MARCHF3: variants seen among roughly 807,000 people sequenced by gnomAD.
MARCHF3 encodes E3 ubiquitin-protein ligase MARCHF3.
In MARCHF3, 13 loss-of-function variants were observed where a neutral mutation model predicts 24.2. The observed-to-expected ratio is 0.54, with a 90% CI of 0.35 to 0.85. MARCHF3 has a LOEUF of 0.85. Ranked by LOEUF, MARCHF3 falls within the 40% of genes least tolerant of loss-of-function variation. The pLI is 0.01. For missense variants in MARCHF3, 276 were observed against 325.0 expected (o/e 0.85, Z 1.16); for synonymous variants, 144 against 137.3 (o/e 1.05, Z -0.34).
chr5:126,905,910 G>A (rs1331321946), intron 3 of MARCHF3, among the ~76,000 whole-genome samples: 9 of 152,154 alleles, frequency 5.9e-5, no homozygotes, highest in Non-Finnish European at 8.8e-5. Flanking sequence ...CAAAAGGAAT[G>A]CTTCCAGTTT....
At chr5:126,969,682 G>T (rs1361451684) in intron 1 of MARCHF3, among the ~76,000 whole-genome samples, 1 of 152,206 alleles carries the variant, frequency 6.6e-6, no homozygotes, top group African/African-American at 2.4e-5. Flanking sequence ...TTGTTCTGGA[G>T]ATGTGAGGCC....
chr5:126,873,169 C>G (rs1017256058), intron 4 of MARCHF3, among the ~76,000 whole-genome samples: 2 of 152,112 alleles, frequency 1.3e-5, no homozygotes, highest in African/African-American at 4.8e-5. Flanking sequence ...GCCAGGCACA[C>G]GGGCCTGCAA....
At chr5:126,967,636 C>A (rs994039390) in intron 1 of MARCHF3, among the ~76,000 whole-genome samples, 8 of 151,942 alleles carry the variant, frequency 5.3e-5, no homozygotes, top group African/African-American at 1.9e-4. Flanking sequence ...GAGGTTGCAG[C>A]GAGCCGAGAT....
At chr5:126,905,128 T>A (rs1226910749) in intron 3 of MARCHF3, among the ~76,000 whole-genome samples, 1 of 75,304 alleles carries the variant, frequency 1.3e-5, no homozygotes, top group African/African-American at 5.4e-5. Flanking sequence ...TAGTTGTAGA[T>A]ATGCGGCGTT....
chr5:126,941,357 TAGA>T (rs1380552464), intron 1 of MARCHF3, among the ~76,000 whole-genome samples: 1 of 152,118 alleles, frequency 6.6e-6, no homozygotes, highest in Non-Finnish European at 1.5e-5. Flanking sequence ...CAGGTAGGAT[TAGA>T]AGTTCAAGCC....
intron 1 of MARCHF3, among the ~76,000 whole-genome samples, chr5:126,937,226 TG>T (rs1749674257): frequency 6.6e-6 from 1 of 152,178 alleles, no homozygotes; most frequent in Admixed American, 6.5e-5. Flanking sequence ...TTGCCCCACT[TG>T]GGGGCAGTCA....
chr5:126,996,902 T>G (rs1350161545), intron 1 of MARCHF3, among the ~76,000 whole-genome samples: 1 of 152,204 alleles, frequency 6.6e-6, no homozygotes, highest in Non-Finnish European at 1.5e-5. Context: ...CCCATTTATG[T>G]TCGCATATAT....
At chr5:126,954,376 T>TA (rs1750364991) in intron 1 of MARCHF3, among the ~76,000 whole-genome samples, 1 of 131,030 alleles carries the variant, frequency 7.6e-6, no homozygotes, top group East Asian at 2.6e-4. Flanking sequence ...ATGGATACAA[T>TA]TTTTTTTTTT....
At chr5:126,957,085 T>A (rs1363783629) in intron 1 of MARCHF3, among the ~76,000 whole-genome samples, 1 of 59,838 alleles carries the variant, frequency 1.7e-5, no homozygotes, top group Non-Finnish European at 5.4e-5. Context: ...TTATTAGAGT[T>A]TTTTTTGACA....
chr5:126,883,466 T>G (rs2126770644), intron 3 of MARCHF3, among the ~76,000 whole-genome samples: 1 of 152,266 alleles, frequency 6.6e-6, no homozygotes, highest in Non-Finnish European at 1.5e-5. Flanking sequence ...GATCAATTCT[T>G]GGAAATAAGT....
chr5:126,976,150 T>C (rs1180473205), intron 1 of MARCHF3, among the ~76,000 whole-genome samples: 1 of 152,160 alleles, frequency 6.6e-6, no homozygotes, highest in Non-Finnish European at 1.5e-5. Flanking sequence ...CTGAGGCACA[T>C]CTTCATTCTT....
chr5:126,883,098 G>C (rs1480170131), intron 3 of MARCHF3, among the ~76,000 whole-genome samples: 2 of 152,192 alleles, frequency 1.3e-5, no homozygotes, highest in Non-Finnish European at 2.9e-5. Context: ...CCTCTGGTGT[G>C]AGATACCAAT....
At chr5:126,874,260 GGTGACTGCGGC>G (rs1458188255) in intron 4 of MARCHF3, among the ~76,000 whole-genome samples, 3 of 152,298 alleles carry the variant, frequency 2.0e-5, no homozygotes, top group African/African-American at 7.2e-5. Context: ...CCATTAGGGA[GGTGACTGCGGC>G]TGGGGCAAAG....
chr5:126,967,497 A>C (rs913288660), intron 1 of MARCHF3, among the ~76,000 whole-genome samples: 1 of 152,152 alleles, frequency 6.6e-6, no homozygotes, highest in African/African-American at 2.4e-5. Context: ...GTTTGAGACA[A>C]GCCTGGCCAA....
intron 3 of MARCHF3, among the ~76,000 whole-genome samples, chr5:126,901,188 C>A (rs928498804): frequency 6.6e-6 from 1 of 152,068 alleles, no homozygotes; most frequent in African/African-American, 2.4e-5. Context: ...TATACAAGCA[C>A]AACATAACTT....
At chr5:127,024,582 A>G (rs1459986456) in intron 1 of MARCHF3, among the ~76,000 whole-genome samples, 3 of 152,226 alleles carry the variant, frequency 2.0e-5, no homozygotes, top group Admixed American at 6.5e-5. Context: ...TAGGTACTCA[A>G]TTAGTATTTG....
intron 4 of MARCHF3, among the ~76,000 whole-genome samples, chr5:126,871,472 C>T (rs1469354572): frequency 6.6e-6 from 1 of 152,208 alleles, no homozygotes; most frequent in Non-Finnish European, 1.5e-5. Context: ...CACTGTGCCT[C>T]AAGCTTACCC....
chr5:126,946,845 C>G (rs1376681399), intron 1 of MARCHF3, among the ~76,000 whole-genome samples: 1 of 149,598 alleles, frequency 6.7e-6, no homozygotes, highest in Non-Finnish European at 1.5e-5. Context: ...CCTCTAACAC[C>G]GCTGTTTTTA....
In MARCHF3 at chr5:126,894,584, ATTCTT is replaced by A. The variant is rs1231871243; in HGVS notation, c.394-16195_394-16191del. 1.9e-4 allele frequency among the ~76,000 whole-genome samples: 29 copies of A among 151,866 alleles called. 1 individual carries two copies. Among genetic ancestry groups the A allele is most frequent in the African/African-American group, 5.8e-4 (24 of 41,282 alleles). On this transcript the variant is annotated intron_variant, in intron 3 of 4. Coordinates refer to ENST00000308660, the MANE Select transcript of MARCHF3 (RefSeq NM_178450.5). ...CTGGATATGAAATTCTGGGTTGAAA[ATTCTT>A]TTCTTTAAGAATGTTGAATATTGGC...
Sources: gnomAD v4.1 joint callset for allele counts (sites outside exome capture counted in the v4.1 genomes callset) on GRCh38, gnomAD v4.1.1 for gene constraint, MANE v1.5 for transcripts, NCBI Gene and HGNC (gene_info 2026-07-23, HGNC 2026-07-21) for gene names.